The following NLGN4Y variants were observed in gnomAD, a reference collection of about 807,000 sequenced individuals.
The protein encoded by NLGN4Y is neuroligin-4, Y-linked.
In NLGN4Y, 4 loss-of-function variants were observed where a neutral mutation model predicts 8.4. The observed-to-expected ratio is 0.48, with a 90% confidence interval of 0.23 to 1.09. The LOEUF is 1.09. Among genes scored for constraint, NLGN4Y ranks in the 50% least tolerant of loss-of-function variants. The pLI is 0.19. For missense variants in NLGN4Y, 90 were observed against 192.3 expected, an observed-to-expected ratio of 0.47 and a Z score of 3.15; for synonymous variants, 35 against 75.6, an observed-to-expected ratio of 0.46 and a Z score of 2.78.
chrY:14,787,822 C>T (rs1398608123), intron 4 of NLGN4Y, among the ~76,000 whole-genome samples: 1 of 33,390 alleles, frequency 3.0e-5, no homozygotes, highest in Non-Finnish European at 7.4e-5. Flanking sequence ...CAAACTTCCC[C>T]GGCCTATCTC....
chrY:14,567,632 A>G (rs1603499913), intron 1 of NLGN4Y, among the ~76,000 whole-genome samples: 2 of 30,178 alleles, frequency 6.6e-5, no homozygotes, highest in African/African-American at 1.3e-4. Context: ...TGCTCAAGCA[A>G]TCCTCCCACC....
At chrY:14,702,998 T>C (rs2080859754) in intron 2 of NLGN4Y, among the ~76,000 whole-genome samples, 1 of 33,562 alleles carries the variant, frequency 3.0e-5, no homozygotes, top group Non-Finnish European at 7.4e-5. Flanking sequence ...CGCCCACTTT[T>C]TGATGGGTTT....
chrY:14,837,120 A>G, intron 6 of NLGN4Y, among the ~76,000 whole-genome samples: 3 of 33,655 alleles, frequency 8.9e-5, no homozygotes, highest in Non-Finnish European at 2.2e-4. Context: ...GGGATTGGTT[A>G]CAGAGAGTTG....
At chrY:14,824,938 A>C (rs779319483) in intron 5 of NLGN4Y, among the ~76,000 whole-genome samples, 1 of 34,062 alleles carries the variant, frequency 2.9e-5, no homozygotes, top group South Asian at 6.6e-4. Flanking sequence ...AACATTTGAA[A>C]TTTTATTAAC....
At chrY:14,618,236 G>C in intron 1 of NLGN4Y, among the ~76,000 whole-genome samples, 2 of 31,982 alleles carry the variant, frequency 6.3e-5, no homozygotes, top group Non-Finnish European at 1.5e-4. Context: ...GGAATCTCCC[G>C]GTCTACAGGT....
At chrY:14,556,253 T>C (rs2150473331) in intron 1 of NLGN4Y, among the ~76,000 whole-genome samples, 1 of 33,552 alleles carries the variant, frequency 3.0e-5, no homozygotes, top group Non-Finnish European at 7.4e-5. Context: ...CACAGTCTAA[T>C]ATGTCCCTTT....
chrY:14,701,874 G>A (rs2150544306), intron 2 of NLGN4Y, among the ~76,000 whole-genome samples: 1 of 33,175 alleles, frequency 3.0e-5, no homozygotes, highest in African/African-American at 1.2e-4. Context: ...CCTGGGGGAA[G>A]TATCATTATT....
chrY:14,613,566 C>A, intron 1 of NLGN4Y, among the ~76,000 whole-genome samples: 2 of 33,153 alleles, frequency 6.0e-5, no homozygotes, highest in African/African-American at 1.2e-4. Context: ...TTAGGTATTT[C>A]TCCTAATGCT....
intron 2 of NLGN4Y, among the ~76,000 whole-genome samples, chrY:14,654,614 T>A (rs930929182): frequency 3.0e-5 from 1 of 32,803 alleles, no homozygotes; most frequent in African/African-American, 1.2e-4. Context: ...ACTCTTTTTT[T>A]ATGATTTTTT....
chrY:14,559,643 G>A, intron 1 of NLGN4Y, among the ~76,000 whole-genome samples: 1 of 32,810 alleles, frequency 3.0e-5, no homozygotes, highest in East Asian at 8.0e-4. Context: ...AGTGAGGCAT[G>A]TCCAATCCCC....
chrY:14,809,176 T>G, intron 4 of NLGN4Y, among the ~76,000 whole-genome samples: 1 of 34,469 alleles, frequency 2.9e-5, no homozygotes, highest in African/African-American at 1.1e-4. Flanking sequence ...TTCCACATTT[T>G]ATTTTTTAAT....
chrY:14,673,623 A>C, intron 2 of NLGN4Y, among the ~76,000 whole-genome samples: 1 of 33,670 alleles, frequency 3.0e-5, no homozygotes, highest in Non-Finnish European at 7.3e-5. Context: ...CAGTGTGGCT[A>C]TTCCTCAGGG....
At chrY:14,821,432 GC>G (rs2043121988) in intron 4 of NLGN4Y, among the ~76,000 whole-genome samples, 1 of 33,645 alleles carries the variant, frequency 3.0e-5, no homozygotes, top group Non-Finnish European at 7.4e-5. Flanking sequence ...CTATCAGAAT[GC>G]CCTTTTTACA....
intron 2 of NLGN4Y, among the ~76,000 whole-genome samples, chrY:14,672,754 G>A: frequency 3.2e-5 from 1 of 31,274 alleles, no homozygotes; most frequent in African/African-American, 1.3e-4. Context: ...AAAGCTGGAG[G>A]CATCACACTA....
At chrY:14,572,387 T>C in intron 1 of NLGN4Y, among the ~76,000 whole-genome samples, 1 of 29,452 alleles carries the variant, frequency 3.4e-5, no homozygotes, top group Non-Finnish European at 8.1e-5. Context: ...ATTCATGATT[T>C]GGCTCTCTGT....
chrY:14,729,031 G>A, intron 4 of NLGN4Y, among the ~76,000 whole-genome samples: 1 of 33,365 alleles, frequency 3.0e-5, no homozygotes, highest in Non-Finnish European at 7.4e-5. Flanking sequence ...TATTGCAATG[G>A]ACATGGTAAT....
intron 4 of NLGN4Y, among the ~76,000 whole-genome samples, chrY:14,817,054 G>A (rs764010325): frequency 1.5e-4 from 5 of 33,676 alleles, no homozygotes; most frequent in Non-Finnish European, 3.0e-4. Context: ...GCAACTACCC[G>A]TTAACAGTGA....
At chrY:14,702,481 A>C in intron 2 of NLGN4Y, among the ~76,000 whole-genome samples, 4 of 32,648 alleles carry the variant, frequency 1.2e-4, no homozygotes, top group Admixed American at 8.4e-4. Flanking sequence ...GTCCCTACAA[A>C]GGACATGAAC....
chrY:14,557,887 C>T, intron 1 of NLGN4Y, among the ~76,000 whole-genome samples: 1 of 32,653 alleles, frequency 3.1e-5, no homozygotes, highest in Admixed American at 2.9e-4. Flanking sequence ...TCAGTAGGTG[C>T]CTGTTCACGT....
Sources: allele counts gnomAD v4.1 joint callset (sites outside exome capture counted in the v4.1 genomes callset), GRCh38; gene constraint gnomAD v4.1.1; transcripts MANE v1.5; gene names NCBI Gene and HGNC (gene_info 2026-07-23, HGNC 2026-07-21).